The following FRMD4B variants were observed in gnomAD, a reference collection of about 807,000 sequenced individuals.
FRMD4B encodes FERM domain containing 4B.
Under a neutral mutation model 141.5 loss-of-function variants are expected in FRMD4B, and 74 were observed. That is an observed-to-expected ratio of 0.52 (90% CI 0.43 to 0.63). The LOEUF is 0.63. FRMD4B is among the 30% of genes least tolerant of loss of function. FRMD4B has a pLI of 0.00. For synonymous variants in FRMD4B, 506 were observed against 467.9 expected, an observed-to-expected ratio of 1.08 and a Z score of -1.05; for missense variants, 1,366 against 1,253.4, an observed-to-expected ratio of 1.09 and a Z score of -1.36.
intron 1 of FRMD4B, among the ~76,000 whole-genome samples, chr3:69,466,608 C>T (rs376840701): frequency 6.6e-6 from 1 of 152,328 alleles, no homozygotes; most frequent in Non-Finnish European, 1.5e-5. Flanking sequence ...ATGCTGGATA[C>T]AGGAATGATA....
At chr3:69,496,434 C>T (rs1239652564) in intron 1 of FRMD4B, among the ~76,000 whole-genome samples, 1 of 151,990 alleles carries the variant, frequency 6.6e-6, no homozygotes, top group African/African-American at 2.4e-5. Flanking sequence ...GGCGAGTGAC[C>T]CAAGTTCATC....
At chr3:69,332,289 G>A (rs1435545965) in intron 1 of FRMD4B, among the ~76,000 whole-genome samples, 1 of 152,142 alleles carries the variant, frequency 6.6e-6, no homozygotes, top group Non-Finnish European at 1.5e-5. Flanking sequence ...TCACCTGTCT[G>A]GAGTGCCTCA....
intron 7 of FRMD4B, among the ~76,000 whole-genome samples, chr3:69,235,723 G>T (rs762553964): frequency 2.0e-5 from 3 of 152,004 alleles, no homozygotes; most frequent in Non-Finnish European, 4.4e-5. Flanking sequence ...TCTTTCACTG[G>T]GTATTACCAG....
At chr3:69,309,569 A>C (rs1481276127) in intron 3 of FRMD4B, among the ~76,000 whole-genome samples, 1 of 147,094 alleles carries the variant, frequency 6.8e-6, no homozygotes, top group African/African-American at 2.5e-5. Flanking sequence ...CAGCCTCCCG[A>C]GTAGCTGGGA....
In FRMD4B at chr3:69,171,411, C is replaced by G. The variant is rs2092585080; in HGVS notation, c.*450G>C. On this transcript the variant is annotated 3_prime_UTR_variant, in exon 23 of 23. Coordinates refer to ENST00000398540, the MANE Select transcript of FRMD4B (RefSeq NM_015123.3). ...CTTTGTCAGCTCACGAATTCAAACT[C>G]TGAAGTGAGCAATGACTCCGGAGCT... 1 of 155,788 alleles carries G rather than the reference C, an allele frequency of 6.4e-6. No individual in the cohort carries two copies. Among genetic ancestry groups the G allele is most frequent in the African/African-American group, 2.4e-5 (1 of 41,472 alleles). 9.7% of individuals were successfully genotyped at this position (155,788 alleles called of 1,614,324 possible). A position where few individuals can be genotyped will look rare whatever the true frequency, so the allele number is the denominator to read the frequency against.
intron 2 of FRMD4B, among the ~76,000 whole-genome samples, chr3:69,400,142 T>C (rs532011112): frequency 3.9e-5 from 6 of 152,136 alleles, no homozygotes; most frequent in African/African-American, 1.4e-4. Flanking sequence ...TCCCAGCACA[T>C]TGGGAGTCTG....
chr3:69,351,369 TCTG>T (rs1316536020), intron 1 of FRMD4B, among the ~76,000 whole-genome samples: 1 of 152,242 alleles, frequency 6.6e-6, no homozygotes, highest in Admixed American at 6.5e-5. Flanking sequence ...GAGACAGGCC[TCTG>T]CTGAGAGCTC....
intron 1 of FRMD4B, among the ~76,000 whole-genome samples, chr3:69,316,914 G>T (rs1248246021): frequency 1.3e-5 from 2 of 152,150 alleles, no homozygotes; most frequent in African/African-American, 4.8e-5. Context: ...CTGAGGTCAG[G>T]AGTTCAAGGC....
intron 1 of FRMD4B, chr3:69,433,119 G>A (rs1325782163): frequency 2.6e-5 from 4 of 152,310 alleles, no homozygotes; most frequent in Non-Finnish European, 4.4e-5. Flanking sequence ...CAAAGTGGGA[G>A]AGAGAACTCA....
In FRMD4B at chr3:69,287,816, G is replaced by A. The variant is rs1206138312; in HGVS notation, c.437C>T (p.Ser146Leu). 4.4e-6 allele frequency: 7 copies of A among 1,578,684 alleles called. No homozygotes were observed. The highest frequency in any genetic ancestry group is 2.2e-5 in the East Asian group (1 of 44,668). ...CACGGTGGTTTTATCCTTTAAAAAC[G>A]ATATGCTCTCAATGTAAAACCTGAA... ...FAVRFYIESI[S>L]FLKDKTTVEL... Residue 146 changes from serine (S) to leucine (L), a missense_variant, in exon 5 of 23, where the codon TCG becomes TTG. By Grantham distance (145) the Ser-to-Leu change is moderately radical. Transcript: ENST00000398540.
Position 69,277,821 on chromosome 3 carries a change from C to T in FRMD4B, c.501+9931G>A, listed in dbSNP as rs76940565. Among the ~76,000 whole-genome samples the T allele has an allele frequency of 6.4e-3, 911 of 141,488 alleles. 10 individuals carry two copies. The highest frequency in any genetic ancestry group is 0.022 in the African/African-American group (839 of 38,128). 92.8% of individuals were successfully genotyped at this position (141,488 alleles called of 152,430 possible). A position where few individuals can be genotyped will look rare whatever the true frequency, so the allele number is the denominator to read the frequency against. Reference sequence around the variant, plus strand: ...ATGGGATTACAGGCGTGAGCCACAGCGCCCGTCCATTGAACAGCATTTTCT... The same window carrying T: ...ATGGGATTACAGGCGTGAGCCACAGTGCCCGTCCATTGAACAGCATTTTCT... On this transcript the variant is annotated intron_variant, in intron 5 of 22. Coordinates refer to ENST00000398540, the MANE Select transcript of FRMD4B (RefSeq NM_015123.3).
chr3:69,497,621 G>C (rs956235304), intron 1 of FRMD4B, among the ~76,000 whole-genome samples: 6 of 152,092 alleles, frequency 3.9e-5, no homozygotes, highest in Admixed American at 2.6e-4. Flanking sequence ...GGATTTTTGT[G>C]TATACAGAGT....
At chr3:69,326,203 C>T (rs183612461) in intron 1 of FRMD4B, among the ~76,000 whole-genome samples, 4 of 151,530 alleles carry the variant, frequency 2.6e-5, no homozygotes, top group South Asian at 2.1e-4. Context: ...GTGATCCTCC[C>T]GCCTCGGCCT....
chr3:69,333,679 TC>T (rs1179887106), intron 1 of FRMD4B, among the ~76,000 whole-genome samples: 3 of 152,240 alleles, frequency 2.0e-5, no homozygotes, highest in Non-Finnish European at 4.4e-5. Context: ...ATCATTTCTT[TC>T]TTCTGATTAC....
At chr3:69,256,393 C>T (rs547764235) in intron 5 of FRMD4B, among the ~76,000 whole-genome samples, 1 of 152,322 alleles carries the variant, frequency 6.6e-6, no homozygotes, top group African/African-American at 2.4e-5. Flanking sequence ...AATTTCAGCT[C>T]ACTGCAACCT....
intron 2 of FRMD4B, among the ~76,000 whole-genome samples, chr3:69,398,658 T>C (rs72937887): frequency 0.036 from 5,480 of 152,310 alleles, 339 homozygotes; most frequent in African/African-American, 0.12. Context: ...TTGTTCAAGA[T>C]GCCAGTTGCA....
intron 2 of FRMD4B, among the ~76,000 whole-genome samples, chr3:69,430,215 T>C (rs1026591059): frequency 2.6e-5 from 4 of 152,150 alleles, no homozygotes; most frequent in African/African-American, 9.7e-5. Context: ...AATTCCACCA[T>C]AGTGGTTGGC....
chr3:69,195,059 G>A lies in FRMD4B; in HGVS notation c.1451C>T (p.Ala484Val), dbSNP rs141005309. 47 of 1,613,622 alleles carry A rather than the reference G, an allele frequency of 2.9e-5. No homozygotes were observed. In the East Asian group the frequency reaches 3.8e-4, roughly 13 times the overall value. The change falls in exon 16 of 23, where the codon GCG becomes GTG. Residue 484 changes from alanine (A) to valine (V), a missense_variant. By Grantham distance (64) the Ala-to-Val change is moderately conservative. Coordinates refer to ENST00000398540, the MANE Select transcript of FRMD4B (RefSeq NM_015123.3). ...PPQVRRRVGT[A>V]FKLDDNLLPS... Reference sequence around the variant, plus strand: ...CAGCAAGTTGTCATCTAATTTGAACGCAGTACCCACACGTCTTCTGACCTG... The same window carrying A: ...CAGCAAGTTGTCATCTAATTTGAACACAGTACCCACACGTCTTCTGACCTG...
At chr3:69,441,904 T>C (rs1378059287) in intron 1 of FRMD4B, among the ~76,000 whole-genome samples, 1 of 152,226 alleles carries the variant, frequency 6.6e-6, no homozygotes, top group Non-Finnish European at 1.5e-5. Flanking sequence ...AACACATTTA[T>C]GTTCTGCATT....
Sources: gnomAD v4.1 joint callset for allele counts (sites outside exome capture counted in the v4.1 genomes callset) on GRCh38, gnomAD v4.1.1 for gene constraint, MANE v1.5 for transcripts, NCBI Gene and HGNC (gene_info 2026-07-23, HGNC 2026-07-21) for gene names.